Variants in TBC1D8 observed in about 807,000 individuals in gnomAD.
The protein encoded by TBC1D8 is TBC1 domain family member 8, also known as BUB2-like protein 1.
In TBC1D8, 65 loss-of-function variants were observed where a neutral mutation model predicts 118.8. That is an observed-to-expected ratio of 0.55 (90% confidence interval 0.45 to 0.67). The LOEUF is 0.67. TBC1D8 is among the 30% of genes least tolerant of loss of function. The pLI is 0.00. For synonymous variants in TBC1D8, 566 were observed against 595.8 expected (o/e 0.95, Z 0.73); for missense variants, 1,376 against 1,471.2 (o/e 0.94, Z 1.06).
chr2:101,106,205 C>T (rs938495016), intron 1 of TBC1D8, among the ~76,000 whole-genome samples: 1 of 152,046 alleles, frequency 6.6e-6, no homozygotes, highest in African/African-American at 2.4e-5. Context: ...CAAGTGGCTG[C>T]TAGAGGGAAA....
At chr2:101,067,126 T>A (rs1400656477) in intron 2 of TBC1D8, among the ~76,000 whole-genome samples, 1 of 152,144 alleles carries the variant, frequency 6.6e-6, no homozygotes. Flanking sequence ...GGAAGGTGCT[T>A]TCTGGCTGGC....
intron 15 of TBC1D8, among the ~76,000 whole-genome samples, chr2:101,026,420 C>T (rs1239745136): frequency 6.6e-6 from 1 of 152,218 alleles, no homozygotes; most frequent in African/African-American, 2.4e-5. Context: ...CCTGCTAGTT[C>T]TCACCATACA....
intron 17 of TBC1D8, among the ~76,000 whole-genome samples, chr2:101,012,457 C>T (rs1679289212): frequency 6.6e-6 from 1 of 152,202 alleles, no homozygotes; most frequent in Non-Finnish European, 1.5e-5. Flanking sequence ...ACAGCAACTC[C>T]ATTTATATCA....
intron 1 of TBC1D8, among the ~76,000 whole-genome samples, chr2:101,125,005 G>C (rs1011532977): frequency 1.3e-5 from 2 of 152,162 alleles, no homozygotes; most frequent in Non-Finnish European, 2.9e-5. Context: ...GATCACCAAG[G>C]TTCGTGACAT....
intron 2 of TBC1D8, among the ~76,000 whole-genome samples, chr2:101,083,708 T>C (rs1675411644): frequency 6.6e-6 from 1 of 152,204 alleles, no homozygotes; most frequent in African/African-American, 2.4e-5. Flanking sequence ...AGTGAAGATA[T>C]AAATCATTCG....
intron 1 of TBC1D8, among the ~76,000 whole-genome samples, chr2:101,105,361 A>G (rs1011435286): frequency 6.6e-6 from 1 of 152,144 alleles, no homozygotes; most frequent in African/African-American, 2.4e-5. Flanking sequence ...AGATATACAG[A>G]TGACAAATAA....
Position 101,032,294 on chromosome 2 carries a change from G to A in TBC1D8, c.1910C>T (p.Pro637Leu). 6.2e-7 allele frequency: 1 copy of A among 1,613,658 alleles called. No individual in the cohort carries two copies. Among genetic ancestry groups the A allele is most frequent in the South Asian group, 1.1e-5 (1 of 91,056 alleles). ...GATCACTCGGTGGTTGAAGTAATCG[G>A]GCAGCATCCGCTCACACACAGCAAC... ...LLVAVCERMLPDYFNHRVIGA... is the reference protein window; with the variant it reads ...LLVAVCERMLLDYFNHRVIGA... The change falls in exon 11 of 20, where the codon CCC becomes CTC. Residue 637 changes from proline to leucine, a missense_variant. Physicochemically the swap from Pro to Leu is moderately conservative, Grantham distance 98. Transcript: ENST00000409318.
intron 5 of TBC1D8, among the ~76,000 whole-genome samples, chr2:101,044,324 A>G (rs115612838): frequency 8.1e-4 from 124 of 152,384 alleles, no homozygotes; most frequent in African/African-American, 2.8e-3. Context: ...AGATGAAGAT[A>G]TCGTGACTTT....
intron 1 of TBC1D8, among the ~76,000 whole-genome samples, chr2:101,133,194 G>A (rs1225716112): frequency 6.6e-6 from 1 of 150,624 alleles, no homozygotes; most frequent in East Asian, 2.0e-4. Context: ...CTCTGAACAT[G>A]TAAGCAATAA....
intron 12 of TBC1D8, 55 bp from the exon 13 acceptor site, chr2:101,028,487 A>C: frequency 6.6e-7 from 1 of 1,509,234 alleles, no homozygotes; most frequent in Non-Finnish European, 8.8e-7. Flanking sequence ...GTACCACAAC[A>C]CGGGCTGCCT....
At chr2:101,087,567 C>G (rs945042182) in intron 2 of TBC1D8, among the ~76,000 whole-genome samples, 3 of 149,270 alleles carry the variant, frequency 2.0e-5, no homozygotes, top group Admixed American at 6.8e-5. Flanking sequence ...CACTTGAACC[C>G]AAGAGGTGGA....
rs190902892 is a variant in TBC1D8 at position 101,084,742 on chromosome 2, C to T, written c.283+5467G>A. Among the ~76,000 whole-genome samples the T allele has an allele frequency of 6.5e-3, 985 of 152,128 alleles. 3 individuals carry two copies. The highest frequency in any genetic ancestry group is 0.01 in the Non-Finnish European group (697 of 68,014). ...CCTCACACACACAGCGCAGAATCTC[C>T]GACATCAAGCATGTGTCTGGTACGT... is the stretch of plus-strand genomic sequence containing the variant. On this transcript the variant is annotated intron_variant, in intron 2 of 19. Transcript: ENST00000409318.
At chr2:101,085,384 TA>T (rs1380326518) in intron 2 of TBC1D8, among the ~76,000 whole-genome samples, 1 of 151,764 alleles carries the variant, frequency 6.6e-6, no homozygotes, top group African/African-American at 2.4e-5. Context: ...GAAGCCAACC[TA>T]GGGGGGAGAA....
chr2:101,042,499 G>C (rs968526221), intron 5 of TBC1D8, among the ~76,000 whole-genome samples: 1 of 152,244 alleles, frequency 6.6e-6, no homozygotes, highest in South Asian at 2.1e-4. Flanking sequence ...TACAAAATGG[G>C]AATAATGTCT....
chr2:101,118,010 T>A (rs1677909416), intron 1 of TBC1D8, among the ~76,000 whole-genome samples: 1 of 151,522 alleles, frequency 6.6e-6, no homozygotes, highest in Non-Finnish European at 1.5e-5. Context: ...CTCCTTGACA[T>A]GAACACAATG....
At chr2:101,133,681 T>G (rs913254921) in intron 1 of TBC1D8, among the ~76,000 whole-genome samples, 1 of 152,134 alleles carries the variant, frequency 6.6e-6, no homozygotes, top group Non-Finnish European at 1.5e-5. Flanking sequence ...CCTCATAACC[T>G]AATCACCTCC....
intron 1 of TBC1D8, among the ~76,000 whole-genome samples, chr2:101,101,409 G>A (rs1011087425): frequency 4.6e-5 from 7 of 152,144 alleles, no homozygotes; most frequent in African/African-American, 1.4e-4. Context: ...AGATGCTGGC[G>A]AGGCTGTGGA....
intron 5 of TBC1D8, among the ~76,000 whole-genome samples, chr2:101,044,326 C>T (rs1413715499): frequency 1.3e-5 from 2 of 152,172 alleles, no homozygotes; most frequent in African/African-American, 2.4e-5. Flanking sequence ...ATGAAGATAT[C>T]GTGACTTTGA....
At chr2:101,112,890 C>T (rs983287593) in intron 1 of TBC1D8, among the ~76,000 whole-genome samples, 3 of 152,168 alleles carry the variant, frequency 2.0e-5, no homozygotes, top group African/African-American at 7.2e-5. Flanking sequence ...GTTTCTGCTA[C>T]GTCAAAAGAA....
Sources: gnomAD v4.1 joint callset for allele counts (sites outside exome capture counted in the v4.1 genomes callset) on GRCh38, gnomAD v4.1.1 for gene constraint, MANE v1.5 for transcripts, NCBI Gene and HGNC (gene_info 2026-07-23, HGNC 2026-07-21) for gene names.